The following NPAS3 variants were observed in gnomAD, a reference collection of about 807,000 sequenced individuals.
The protein encoded by NPAS3 is neuronal PAS domain protein 3.
In NPAS3, 14 loss-of-function variants were observed where a neutral mutation model predicts 73.1. The ratio of observed to expected loss-of-function variants is 0.19; its 90% CI spans 0.13 to 0.30. The LOEUF is 0.30. Ranked by LOEUF, NPAS3 falls within the 10% of genes least tolerant of loss-of-function variation. The pLI is 1.00. For missense variants in NPAS3, 1,096 were observed against 1,250.0 expected, an observed-to-expected ratio of 0.88 and a Z score of 1.86; for synonymous variants, 620 against 541.5, an observed-to-expected ratio of 1.14 and a Z score of -2.01.
intron 6 of NPAS3, among the ~76,000 whole-genome samples, chr14:33,729,534 C>T (rs891755791): frequency 6.6e-6 from 1 of 152,074 alleles, no homozygotes; most frequent in Non-Finnish European, 1.5e-5. Flanking sequence ...AGATGGCAGC[C>T]GGAGCACAGT....
At chr14:33,439,042 T>G (rs2139247658) in intron 4 of NPAS3, among the ~76,000 whole-genome samples, 1 of 152,156 alleles carries the variant, frequency 6.6e-6, no homozygotes, top group African/African-American at 2.4e-5. Context: ...ATTTCCAAAC[T>G]TACCCAAATT....
chr14:33,774,570 C>T, intron 8 of NPAS3, 40 bp downstream of exon 8: 1 of 1,520,376 alleles, frequency 6.6e-7, no homozygotes, highest in African/African-American at 1.4e-5. Flanking sequence ...TTGCACGTTG[C>T]ACATTGGTGA....
At chr14:33,104,130 G>C (rs181837330) in intron 2 of NPAS3, among the ~76,000 whole-genome samples, 1 of 152,108 alleles carries the variant, frequency 6.6e-6, no homozygotes, top group African/African-American at 2.4e-5. Flanking sequence ...CTATAATGTA[G>C]ACTATTGCAT....
intron 7 of NPAS3, among the ~76,000 whole-genome samples, chr14:33,746,893 C>A (rs1475607088): frequency 6.9e-6 from 1 of 145,074 alleles, no homozygotes; most frequent in African/African-American, 2.8e-5. Context: ...ATCCCTCCCC[C>A]GTCCCCCCAC....
intron 3 of NPAS3, among the ~76,000 whole-genome samples, chr14:33,282,160 A>T (rs1566755174): frequency 6.6e-6 from 1 of 152,220 alleles, no homozygotes; most frequent in Admixed American, 6.5e-5. Flanking sequence ...TTAAAAACTG[A>T]CTTTCTCCTT....
chr14:33,413,780 T>C (rs2048032161), intron 4 of NPAS3, among the ~76,000 whole-genome samples: 1 of 152,154 alleles, frequency 6.6e-6, no homozygotes, highest in Non-Finnish European at 1.5e-5. Context: ...CAAAGTATCG[T>C]TTCTGCCTCA....
intron 2 of NPAS3, among the ~76,000 whole-genome samples, chr14:33,143,661 T>C (rs1480181850): frequency 6.6e-6 from 1 of 152,204 alleles, no homozygotes; most frequent in Non-Finnish European, 1.5e-5. Flanking sequence ...CTCTATCTAG[T>C]TCTAAAACAT....
intron 5 of NPAS3, among the ~76,000 whole-genome samples, chr14:33,636,700 G>T (rs1425620095): frequency 6.6e-6 from 1 of 152,164 alleles, no homozygotes; most frequent in Non-Finnish European, 1.5e-5. Context: ...ACGCACACCA[G>T]TCAGACTGCC....
intron 9 of NPAS3, among the ~76,000 whole-genome samples, chr14:33,780,308 G>T (rs1414417666): frequency 6.6e-6 from 1 of 152,134 alleles, no homozygotes; most frequent in African/African-American, 2.4e-5. Flanking sequence ...AAATGATGTG[G>T]TTTCCTGAAA....
intron 3 of NPAS3, among the ~76,000 whole-genome samples, chr14:33,237,380 A>G (rs1237574050): frequency 6.6e-6 from 1 of 152,132 alleles, no homozygotes; most frequent in Non-Finnish European, 1.5e-5. Context: ...CCTAAGTACC[A>G]GCAACACATT....
chr14:33,643,087 G>C (rs1022502979), intron 5 of NPAS3, among the ~76,000 whole-genome samples: 1 of 151,998 alleles, frequency 6.6e-6, no homozygotes, highest in Non-Finnish European at 1.5e-5. Context: ...TCTGATCTCA[G>C]CTCTCACTTT....
At chr14:33,777,101 T>C (rs1458601281) in intron 8 of NPAS3, among the ~76,000 whole-genome samples, 2 of 152,206 alleles carry the variant, frequency 1.3e-5, no homozygotes, top group African/African-American at 4.8e-5. Flanking sequence ...AAGGACGGCC[T>C]CAGGCAAAGC....
chr14:33,378,773 G>A (rs1185658581), intron 4 of NPAS3, among the ~76,000 whole-genome samples: 1 of 152,182 alleles, frequency 6.6e-6, no homozygotes, highest in Non-Finnish European at 1.5e-5. Context: ...ATTTCATTAT[G>A]ATCAGGCAGA....
chr14:33,335,645 T>C (rs1182335396), intron 3 of NPAS3, among the ~76,000 whole-genome samples: 1 of 152,116 alleles, frequency 6.6e-6, no homozygotes, highest in African/African-American at 2.4e-5. Flanking sequence ...AAGTGACACA[T>C]AGTTTAGGCC....
intron 6 of NPAS3, among the ~76,000 whole-genome samples, chr14:33,690,230 A>C (rs2060198330): frequency 6.6e-6 from 1 of 152,150 alleles, no homozygotes; most frequent in African/African-American, 2.4e-5. Context: ...TTTGAACTTT[A>C]TGTGAATCAA....
chr14:33,500,730 A>G (rs1407306268), intron 4 of NPAS3, among the ~76,000 whole-genome samples: 1 of 152,106 alleles, frequency 6.6e-6, no homozygotes, highest in African/African-American at 2.4e-5. Context: ...TTCTGAGGCA[A>G]ATCCCTGTCA....
At chr14:33,065,065 T>C (rs2041231920) in intron 2 of NPAS3, among the ~76,000 whole-genome samples, 1 of 152,216 alleles carries the variant, frequency 6.6e-6, no homozygotes, top group Non-Finnish European at 1.5e-5. Context: ...TTAGCACTTT[T>C]GTTTTCAAAA....
At chr14:33,601,620 T>G (rs894061453) in intron 5 of NPAS3, among the ~76,000 whole-genome samples, 4 of 152,212 alleles carry the variant, frequency 2.6e-5, no homozygotes, top group Admixed American at 1.3e-4. Flanking sequence ...GTTAAGTGAC[T>G]TAAGGCAGAT....
chr14:33,610,436 T>A (rs2057714393), intron 5 of NPAS3, among the ~76,000 whole-genome samples: 1 of 152,088 alleles, frequency 6.6e-6, no homozygotes, highest in African/African-American at 2.4e-5. Flanking sequence ...TCCCTCTCCT[T>A]TTTTTTCACA....
Sources: gnomAD v4.1 joint callset for allele counts (sites outside exome capture counted in the v4.1 genomes callset) on GRCh38, gnomAD v4.1.1 for gene constraint, MANE v1.5 for transcripts, NCBI Gene and HGNC (gene_info 2026-07-23, HGNC 2026-07-21) for gene names.